Variants in TERF1 observed in about 807,000 individuals in gnomAD.
TERF1 encodes the protein telomeric repeat-binding factor 1.
A neutral mutation model predicts 55.1 loss-of-function variants in TERF1; 20 were observed. That is an observed-to-expected ratio of 0.36 (90% CI 0.26 to 0.53). The LOEUF is 0.53. Ranked by LOEUF, TERF1 falls within the 20% of genes least tolerant of loss-of-function variation. TERF1 has a pLI of 0.91. For synonymous variants in TERF1, 168 were observed against 181.2 expected (o/e 0.93, Z 0.59); for missense variants, 439 against 535.7 (o/e 0.82, Z 1.78).
Position 73,032,044 on chromosome 8 carries a change from C to T in TERF1, c.950C>T (p.Ser317Phe), listed in dbSNP as rs1034294837. The T allele has an allele frequency of 2.1e-5, 33 of 1,605,276 alleles. No individual in the cohort carries two copies. Among genetic ancestry groups the T allele is most frequent in the Non-Finnish European group, 2.8e-5 (33 of 1,177,228 alleles). ...CAAACTTTCCTGTTTTATTTTAGGTCTCACAAGAATCTTTTCTTATCTAAG... is the reference window on the plus strand; with the variant it reads ...CAAACTTTCCTGTTTTATTTTAGGTTTCACAAGAATCTTTTCTTATCTAAG... ...SSEGTVSLLR[S>F]HKNLFLSKLQ... Residue 317 changes from serine (S) to phenylalanine (F), a missense_variant and splice_region_variant, in exon 8 of 10, where the codon TCT becomes TTT. By Grantham distance (155) the Ser-to-Phe change is radical. This residue lies in a region of TERF1 where 140 missense variants were observed against 158.6 expected (regional missense o/e 0.88). Transcript: ENST00000276603.
At chr8:73,038,996 A>G in intron 8 of TERF1, 120 bp from the exon 9 acceptor site, 1 of 828,868 alleles carries the variant, frequency 1.2e-6, no homozygotes, top group South Asian at 2.2e-5. Context: ...GAAAAAGTTA[A>G]ACATGTACTT....
In TERF1 at chr8:73,026,640, T is replaced by A. The variant is rs55938063; in HGVS notation, c.775-300T>A. Reference sequence around the variant, plus strand: ...TTTGAAAATATCTAGAATTTTTATTTTTTTTTTTTTTCATGCAGCCTTTTC... The same window carrying A: ...TTTGAAAATATCTAGAATTTTTATTATTTTTTTTTTTCATGCAGCCTTTTC... On this transcript the variant is annotated intron_variant, in intron 5 of 9. Coordinates refer to ENST00000276603, the MANE Select transcript of TERF1 (RefSeq NM_017489.3). Among the ~76,000 whole-genome samples the A allele has an allele frequency of 9.4e-4, 53 of 56,668 alleles. No homozygotes were observed. In the South Asian group the frequency reaches 0.015, roughly 16 times the overall value. 37.2% of individuals were successfully genotyped at this position (56,668 alleles called of 152,430 possible).
At chr8:73,018,773 G>T (rs1313827009) in intron 2 of TERF1, among the ~76,000 whole-genome samples, 1 of 152,144 alleles carries the variant, frequency 6.6e-6, no homozygotes, top group Non-Finnish European at 1.5e-5. Flanking sequence ...AGGAATTACA[G>T]GGATTTAGAA....
intron 1 of TERF1, chr8:73,011,124 C>A (rs1023162535): frequency 6.2e-5 from 8 of 128,802 alleles, no homozygotes; most frequent in African/African-American, 2.5e-4. Flanking sequence ...TTAAAGTCAC[C>A]AGCAGCATTA....
intron 9 of TERF1, among the ~76,000 whole-genome samples, chr8:73,042,478 AC>A (rs1261854854): frequency 6.6e-6 from 1 of 152,026 alleles, no homozygotes; most frequent in African/African-American, 2.4e-5. Flanking sequence ...AAAAAAACTT[AC>A]GGCAATAGCC....
At chr8:73,011,438 T>G (rs1808276648) in intron 1 of TERF1, 1 of 152,292 alleles carries the variant, frequency 6.6e-6, no homozygotes, top group Non-Finnish European at 1.5e-5. Context: ...TAATCCCAGC[T>G]ACTCAGGAGG....
At chr8:73,014,420 A>C (rs1283143563) in intron 2 of TERF1, among the ~76,000 whole-genome samples, 2 of 107,252 alleles carry the variant, frequency 1.9e-5, no homozygotes, top group African/African-American at 6.1e-5. Context: ...GACTCCAATC[A>C]TACACACTCT....
At chr8:73,030,807 A>T (rs1809251218) in intron 7 of TERF1, 1 of 153,594 alleles carries the variant, frequency 6.5e-6, no homozygotes, top group Non-Finnish European at 1.4e-5. Context: ...TCGCTGTGAC[A>T]GACAATACAA....
chr8:73,009,849 C>G (rs1808210665), intron 1 of TERF1: 1 of 152,384 alleles, frequency 6.6e-6, no homozygotes, highest in South Asian at 2.1e-4. Context: ...TGAAACTGTT[C>G]ATGAAATCTG....
In TERF1 at chr8:73,024,929, G is replaced by C; in HGVS notation, c.732G>C (p.Val244=). 6.3e-7 allele frequency: 1 copy of C among 1,582,464 alleles called. No homozygotes were observed. The highest frequency in any genetic ancestry group is 1.8e-4 in the Middle Eastern group (1 of 5,686). The change falls in exon 5 of 10, where the codon GTG becomes GTC. Residue 244 remains valine, a synonymous_variant. Coordinates refer to ENST00000276603, the MANE Select transcript of TERF1 (RefSeq NM_017489.3). Reference sequence around the variant, plus strand: ...TGATGGAGAAAATTAAGAGTTATGTGAATTATGTGCTAAGTGAAAAATCAT... The same window carrying C: ...TGATGGAGAAAATTAAGAGTTATGTCAATTATGTGCTAAGTGAAAAATCAT... The part of the protein sequence containing the change: ...NHMMEKIKSY[V]NYVLSEKSST...
intron 5 of TERF1, among the ~76,000 whole-genome samples, chr8:73,026,728 G>A (rs1027770341): frequency 6.6e-6 from 1 of 150,920 alleles, no homozygotes; most frequent in Admixed American, 6.6e-5. Flanking sequence ...GACCACCTTC[G>A]TAACGCTGAT....
At chr8:73,015,128 C>T (rs1011418168) in intron 2 of TERF1, among the ~76,000 whole-genome samples, 1 of 152,048 alleles carries the variant, frequency 6.6e-6, no homozygotes, top group African/African-American at 2.4e-5. Context: ...GGGGGGAATC[C>T]AGATTTTATG....
intron 4 of TERF1, 57 bp from the exon 5 acceptor site, chr8:73,024,765 C>T (rs1563462013): frequency 7.4e-6 from 9 of 1,209,534 alleles, no homozygotes; most frequent in Admixed American, 2.7e-5. Flanking sequence ...TGACAAAAAT[C>T]GTTGTATCTG....
At chr8:73,030,991 C>G (rs1328787752) in intron 7 of TERF1, 2 of 152,120 alleles carry the variant, frequency 1.3e-5, no homozygotes, top group African/African-American at 4.8e-5. Context: ...TGAAATAATT[C>G]ATAATAGCAG....
intron 4 of TERF1, 70 bp from the exon 5 acceptor site, chr8:73,024,752 A>G (rs1808905725): frequency 9.1e-7 from 1 of 1,098,912 alleles, no homozygotes; most frequent in Admixed American, 2.9e-5. Flanking sequence ...ATTAAATAAT[A>G]TGTGACAAAA....
At chr8:73,028,571 A>AATTTTTTTT (rs1554555223) in intron 6 of TERF1, among the ~76,000 whole-genome samples, 11 of 104,414 alleles carry the variant, frequency 1.1e-4, no homozygotes, top group African/African-American at 4.2e-4. Context: ...ACGTAGACCC[A>AATTTTTTTT]TTTTTTTTTT....
At position 73,047,316 on chromosome 8, in the gene TERF1, A is replaced by G. The variant is rs1810081802; in HGVS notation, c.*1179A>G. Reference sequence around the variant, plus strand: ...TTTGTTCCAGTGTTTAAACTTTGACAAAAATGGTTTTGAATAGATCTTTAT... The same window carrying G: ...TTTGTTCCAGTGTTTAAACTTTGACGAAAATGGTTTTGAATAGATCTTTAT... On this transcript the variant is annotated 3_prime_UTR_variant, in exon 10 of 10. Coordinates refer to ENST00000276603, the MANE Select transcript of TERF1 (RefSeq NM_017489.3). 6.6e-6 allele frequency: 1 copy of G among 152,160 alleles called. No individual in the cohort carries two copies. Among genetic ancestry groups the G allele is most frequent in the African/African-American group, 2.4e-5 (1 of 41,426 alleles). The allele number at this position is 152,160 out of a possible 1,614,324, so 9.4% of individuals were successfully genotyped here. A position where few individuals can be genotyped will look rare whatever the true frequency, so the allele number is the denominator to read the frequency against.
chr8:73,038,923 C>A, intron 8 of TERF1, 193 bp from the exon 9 acceptor site: 1 of 507,592 alleles, frequency 2.0e-6, no homozygotes, highest in Non-Finnish European at 3.1e-6. Flanking sequence ...AGACTCAAAA[C>A]ACTCCCCCTC....
At position 73,044,881 on chromosome 8, in the gene TERF1, ATATAAG is replaced by A. The variant is rs1335662069; in HGVS notation, c.1144-1074_1144-1069del. ...AGAACTTCCTTTTTAAGGCTGAATT[ATATAAG>A]TATAATATATAATATAATTTTGTTT... On this transcript the variant is annotated intron_variant, in intron 9 of 9. Transcript: ENST00000276603. 3.3e-5 allele frequency among the ~76,000 whole-genome samples: 5 copies of A among 152,150 alleles called. 1 individual carries two copies. The highest frequency in any genetic ancestry group is 2.1e-4 in the South Asian group (1 of 4,834).
Sources: allele counts gnomAD v4.1 joint callset (sites outside exome capture counted in the v4.1 genomes callset), GRCh38; gene constraint gnomAD v4.1.1; regional missense constraint gnomAD v4.1.1; transcripts MANE v1.5; gene names NCBI Gene and HGNC (gene_info 2026-07-23, HGNC 2026-07-21).